Variants in VRK2 observed in about 807,000 individuals in gnomAD.
The protein encoded by VRK2 is serine/threonine-protein kinase VRK2.
Under a neutral mutation model 57.6 loss-of-function variants are expected in VRK2, and 60 were observed. The observed-to-expected ratio is 1.04, with a 90% CI of 0.85 to 1.29. The LOEUF is 1.29. Ranked by LOEUF, VRK2 falls within the 50% of genes most tolerant of loss-of-function variation. VRK2 has a pLI of 0.00. For missense variants in VRK2, 705 were observed against 588.1 expected, an observed-to-expected ratio of 1.20 and a Z score of -2.06; for synonymous variants, 231 against 199.2, an observed-to-expected ratio of 1.16 and a Z score of -1.35.
At chr2:58,074,177 T>A (rs930064887) in intron 2 of VRK2, among the ~76,000 whole-genome samples, 1 of 152,136 alleles carries the variant, frequency 6.6e-6, no homozygotes, top group Non-Finnish European at 1.5e-5. Context: ...TTATCTGCGT[T>A]TTTATATTTA....
chr2:57,992,531 T>G (rs1672798263), intron 1 of VRK2, among the ~76,000 whole-genome samples: 1 of 151,606 alleles, frequency 6.6e-6, no homozygotes, highest in African/African-American at 2.4e-5. Context: ...AATTCAGTGT[T>G]GTTTCTTTTT....
chr2:58,110,765 A>G (rs139646593), intron 7 of VRK2, among the ~76,000 whole-genome samples: 2 of 152,306 alleles, frequency 1.3e-5, no homozygotes. Context: ...AGGAAAGGGA[A>G]CCAGAGGCAG....
chr2:57,935,645 C>T (rs1222342398), intron 1 of VRK2, among the ~76,000 whole-genome samples: 1 of 151,924 alleles, frequency 6.6e-6, no homozygotes, highest in South Asian at 2.1e-4. Flanking sequence ...GGTCTGTGAC[C>T]TCTCTTCTCT....
intron 1 of VRK2, among the ~76,000 whole-genome samples, chr2:57,956,097 A>G (rs1489510708): frequency 6.6e-6 from 1 of 152,214 alleles, no homozygotes; most frequent in African/African-American, 2.4e-5. Flanking sequence ...CTGCAGCATT[A>G]AAAATAGTAT....
At chr2:58,157,390 T>C (rs986488056) in intron 12 of VRK2, among the ~76,000 whole-genome samples, 2 of 152,178 alleles carry the variant, frequency 1.3e-5, no homozygotes, top group Non-Finnish European at 2.9e-5. Context: ...TGTCCTGTGA[T>C]GTAGGATGTT....
At chr2:58,154,511 CTT>C (rs1176729045) in intron 12 of VRK2, among the ~76,000 whole-genome samples, 1 of 151,838 alleles carries the variant, frequency 6.6e-6, no homozygotes, top group African/African-American at 2.4e-5. Context: ...TAAATTGGGA[CTT>C]TTTGTCTTTT....
At chr2:58,057,054 G>A (rs924516811) in intron 2 of VRK2, among the ~76,000 whole-genome samples, 1 of 152,104 alleles carries the variant, frequency 6.6e-6, no homozygotes, top group Non-Finnish European at 1.5e-5. Context: ...TATTTTGTAT[G>A]CTGTCTTTTT....
intron 7 of VRK2, among the ~76,000 whole-genome samples, chr2:58,119,863 A>C (rs985356585): frequency 2.0e-5 from 3 of 151,752 alleles, no homozygotes; most frequent in African/African-American, 7.3e-5. Flanking sequence ...GGTTTATATG[A>C]AGGTTGAGGG....
upstream of VRK2, among the ~76,000 whole-genome samples, chr2:58,043,678 A>G (rs1416790328): frequency 6.6e-6 from 1 of 152,196 alleles, no homozygotes; most frequent in African/African-American, 2.4e-5. Context: ...TGGCTATCAC[A>G]TATGAAGCTG....
At chr2:58,003,722 C>G (rs1673157817) in intron 1 of VRK2, among the ~76,000 whole-genome samples, 1 of 152,102 alleles carries the variant, frequency 6.6e-6, no homozygotes, top group Non-Finnish European at 1.5e-5. Context: ...TTCTTTTCTT[C>G]TCATCATATA....
At chr2:58,026,562 T>A (rs961706836) in intron 2 of VRK2, among the ~76,000 whole-genome samples, 2 of 152,096 alleles carry the variant, frequency 1.3e-5, no homozygotes, top group African/African-American at 4.8e-5. Context: ...TTTAAAAGAG[T>A]ATGGTTCTGT....
intron 7 of VRK2, among the ~76,000 whole-genome samples, chr2:58,102,312 AT>A (rs1471427069): frequency 6.6e-6 from 1 of 151,148 alleles, no homozygotes; most frequent in Non-Finnish European, 1.5e-5. Flanking sequence ...GCCAGAATGG[AT>A]TTTTTTTAAA....
intron 3 of VRK2, among the ~76,000 whole-genome samples, chr2:58,038,117 C>A (rs944336017): frequency 6.6e-6 from 1 of 152,046 alleles, no homozygotes. Flanking sequence ...TGTGTCCCCA[C>A]CCAAATCTCA....
rs376424969 is a variant in VRK2 at position 57,935,242 on chromosome 2, A to G, written c.-439+27403A>G. ...TTTTGGCAGAAAAAATGCCTTCATC[A>G]GTCAGCCCAGCTAAAGATTCTTAAA... is the stretch of plus-strand genomic sequence containing the variant. On this transcript the variant is annotated intron_variant, in intron 1 of 15. Coordinates refer to the VRK2 transcript ENST00000417641. Among the ~76,000 whole-genome samples, 8 of 152,206 alleles carry G rather than the reference A, an allele frequency of 5.3e-5. No individual in the cohort carries two copies. The East Asian group carries it at 1.5e-3, about 29-fold the overall frequency.
At chr2:57,945,632 T>C (rs1444224236) in intron 1 of VRK2, among the ~76,000 whole-genome samples, 1 of 150,502 alleles carries the variant, frequency 6.6e-6, no homozygotes, top group Non-Finnish European at 1.5e-5. Context: ...GCTTTTTAAC[T>C]TTCTGCTCAA....
chr2:58,047,757 A>G (rs1282483039), intron 1 of VRK2, among the ~76,000 whole-genome samples: 1 of 145,060 alleles, frequency 6.9e-6, no homozygotes, highest in Non-Finnish European at 1.5e-5. Flanking sequence ...ATCAGGAGGA[A>G]GGTGAATATT....
chr2:57,956,228 AT>A (rs1312001881), intron 1 of VRK2, among the ~76,000 whole-genome samples: 1 of 152,108 alleles, frequency 6.6e-6, no homozygotes, highest in African/African-American at 2.4e-5. Flanking sequence ...AAAAGAAAAA[AT>A]AAAAAATCTG....
chr2:58,131,709 C>T, intron 8 of VRK2, 99 bp from the exon 9 acceptor site: 1 of 1,388,636 alleles, frequency 7.2e-7, no homozygotes, highest in Non-Finnish European at 9.6e-7. Context: ...GCCTATTTGG[C>T]TTTTTCATAT....
At chr2:58,146,523 A>T in intron 12 of VRK2, 49 bp downstream of exon 12, 1 of 1,568,308 alleles carries the variant, frequency 6.4e-7, no homozygotes, top group Non-Finnish European at 8.6e-7. Flanking sequence ...GTTACATTAG[A>T]ATATGCCCTT....
Sources: allele counts gnomAD v4.1 joint callset (sites outside exome capture counted in the v4.1 genomes callset), GRCh38; gene constraint gnomAD v4.1.1; transcripts MANE v1.5; gene names NCBI Gene and HGNC (gene_info 2026-07-23, HGNC 2026-07-21).